KAZN: variants seen among roughly 807,000 people sequenced by gnomAD.
KAZN encodes kazrin.
In KAZN, 40 loss-of-function variants were observed where a neutral mutation model predicts 87.4. The ratio of observed to expected loss-of-function variants is 0.46; its 90% CI spans 0.36 to 0.60. KAZN has a LOEUF of 0.60. Among genes scored for constraint, KAZN ranks in the 20% least tolerant of loss-of-function variants. The probability of loss-of-function intolerance (pLI) is 0.00; values close to 1 mark genes in which losing one functional copy is unlikely to be tolerated. For synonymous variants in KAZN, 466 were observed against 458.3 expected (o/e 1.02, Z -0.22); for missense variants, 898 against 1,073.9 (o/e 0.84, Z 2.29).
chr1:13,916,868 T>C (rs1639871727), intron 1 of KAZN, among the ~76,000 whole-genome samples: 1 of 151,784 alleles, frequency 6.6e-6, no homozygotes, highest in Non-Finnish European at 1.5e-5. Context: ...GTGAGTGGGC[T>C]CGGGGAGAAT....
chr1:14,714,292 G>A (rs536386649), intron 1 of KAZN, among the ~76,000 whole-genome samples: 2 of 152,136 alleles, frequency 1.3e-5, no homozygotes, highest in South Asian at 4.1e-4. Context: ...TACCCTCTTC[G>A]GAGCAGGTGA....
intron 2 of KAZN, among the ~76,000 whole-genome samples, chr1:15,001,252 AG>A (rs1668431670): frequency 1.3e-5 from 2 of 151,798 alleles, no homozygotes; most frequent in South Asian, 4.2e-4. Flanking sequence ...ACTTGAAGTC[AG>A]GAGTTTAAGA....
chr1:14,152,057 A>T (rs1460318830), intron 1 of KAZN, among the ~76,000 whole-genome samples: 1 of 152,154 alleles, frequency 6.6e-6, no homozygotes, highest in East Asian at 1.9e-4. Context: ...GGTACGTAGG[A>T]GGTGGATATA....
chr1:14,010,361 G>T lies in KAZN; in HGVS notation c.91+116605G>T, dbSNP rs765020201. Among the ~76,000 whole-genome samples, 126 of 152,202 alleles carry T rather than the reference G, an allele frequency of 8.3e-4. 1 individual carries two copies. The highest frequency in any genetic ancestry group is 1.2e-3 in the Non-Finnish European group (81 of 68,038). Reference sequence around the variant, plus strand: ...ACTTTTAATTTTTCTAGGAAGAAGGGCTGGGGCCAACTCAGAATATGAGTG... The same window carrying T: ...ACTTTTAATTTTTCTAGGAAGAAGGTCTGGGGCCAACTCAGAATATGAGTG... On this transcript the variant is annotated intron_variant, in intron 1 of 16. Coordinates refer to the KAZN transcript ENST00000636203.
rs1187620358 is a variant in KAZN at position 14,284,592 on chromosome 1, A to G, written c.249+104000A>G. ...TGAGTGTTGTCTTTATTCTCAGAGT[A>G]AGGGAAACTGTTTGCAGGAAATGAC... On this transcript the variant is annotated intron_variant, in intron 2 of 16. Coordinates refer to the KAZN transcript ENST00000636203. Among the ~76,000 whole-genome samples, 86 of 152,156 alleles carry G rather than the reference A, an allele frequency of 5.7e-4. 1 individual carries two copies. Among genetic ancestry groups the G allele is most frequent in the Non-Finnish European group, 3.1e-4 (21 of 68,022 alleles).
intron 1 of KAZN, among the ~76,000 whole-genome samples, chr1:14,167,327 C>T (rs1031061793): frequency 6.6e-6 from 1 of 152,188 alleles, no homozygotes; most frequent in South Asian, 2.1e-4. Flanking sequence ...CTCAACATCC[C>T]GAGCCTCTGA....
At chr1:14,137,701 C>CTT (rs35819477) in intron 1 of KAZN, among the ~76,000 whole-genome samples, 1,324 of 64,914 alleles carry the variant, frequency 0.02, no homozygotes, top group Non-Finnish European at 0.026. Flanking sequence ...AAATATAAGG[C>CTT]TTTTTTTTTT....
chr1:14,897,879 C>G (rs1487760255), intron 1 of KAZN, among the ~76,000 whole-genome samples: 1 of 152,222 alleles, frequency 6.6e-6, no homozygotes, highest in African/African-American at 2.4e-5. Context: ...CTTGCTGAAA[C>G]TAACCGGGGC....
chr1:14,880,574 C>T (rs1437293792), intron 1 of KAZN, among the ~76,000 whole-genome samples: 1 of 152,046 alleles, frequency 6.6e-6, no homozygotes, highest in Non-Finnish European at 1.5e-5. Flanking sequence ...TTGGGGGTGA[C>T]TCAAATAGCT....
chr1:14,837,960 T>C (rs1266363526), intron 1 of KAZN, among the ~76,000 whole-genome samples: 1 of 152,218 alleles, frequency 6.6e-6, no homozygotes, highest in African/African-American at 2.4e-5. Flanking sequence ...ACAATGCTGC[T>C]GTCTTAGTCC....
intron 1 of KAZN, among the ~76,000 whole-genome samples, chr1:14,767,538 A>G (rs1644916928): frequency 1.3e-5 from 2 of 152,358 alleles, no homozygotes; most frequent in Non-Finnish European, 1.5e-5. Flanking sequence ...GAAGAACTCA[A>G]TAAAGTATTT....
At chr1:13,960,602 A>G (rs1442882957) in intron 1 of KAZN, among the ~76,000 whole-genome samples, 1 of 152,206 alleles carries the variant, frequency 6.6e-6, no homozygotes, top group Admixed American at 6.5e-5. Flanking sequence ...AATGGCATGA[A>G]TGCATCACAT....
chr1:14,835,155 G>A (rs1647189325), intron 1 of KAZN, among the ~76,000 whole-genome samples: 1 of 152,182 alleles, frequency 6.6e-6, no homozygotes, highest in South Asian at 2.1e-4. Flanking sequence ...GAGAGGTATT[G>A]TAATTCCTAT....
chr1:13,968,551 C>T (rs550538394), intron 1 of KAZN, among the ~76,000 whole-genome samples: 6 of 152,280 alleles, frequency 3.9e-5, no homozygotes, highest in South Asian at 4.1e-4. Context: ...TATCTACTTC[C>T]GCATTGTCCA....
At chr1:14,195,410 C>T (rs538804009) in intron 2 of KAZN, among the ~76,000 whole-genome samples, 1 of 151,840 alleles carries the variant, frequency 6.6e-6, no homozygotes, top group South Asian at 2.1e-4. Context: ...TCCCAGAAGC[C>T]CAGAGAGAAT....
At chr1:14,728,416 A>G (rs1373171789) in intron 1 of KAZN, among the ~76,000 whole-genome samples, 1 of 151,492 alleles carries the variant, frequency 6.6e-6, no homozygotes, top group Non-Finnish European at 1.5e-5. Flanking sequence ...TTGCTCACTC[A>G]CCTGCCGCTC....
At chr1:14,197,124 G>T (rs1339568239) in intron 2 of KAZN, among the ~76,000 whole-genome samples, 1 of 152,050 alleles carries the variant, frequency 6.6e-6, no homozygotes, top group Non-Finnish European at 1.5e-5. Context: ...GGGGAGGGGG[G>T]TAGAGATGAC....
intron 2 of KAZN, among the ~76,000 whole-genome samples, chr1:14,340,074 G>A (rs1657574105): frequency 6.8e-6 from 1 of 147,482 alleles, no homozygotes; most frequent in Non-Finnish European, 1.5e-5. Context: ...CATATTCTTT[G>A]TTATGGAATA....
chr1:14,234,646 G>A (rs1004342881), intron 2 of KAZN, among the ~76,000 whole-genome samples: 2 of 152,160 alleles, frequency 1.3e-5, no homozygotes, highest in African/African-American at 4.8e-5. Flanking sequence ...AGGTGTGGGG[G>A]TGGTGGAGGT....
Sources: allele counts gnomAD v4.1 joint callset (sites outside exome capture counted in the v4.1 genomes callset), GRCh38; gene constraint gnomAD v4.1.1; transcripts MANE v1.5; gene names NCBI Gene and HGNC (gene_info 2026-07-23, HGNC 2026-07-21).